SNTG1: variants seen among roughly 807,000 people sequenced by gnomAD.
SNTG1 encodes gamma-1-syntrophin.
Under a neutral mutation model 74.7 loss-of-function variants are expected in SNTG1, and 39 were observed. That is an observed-to-expected ratio of 0.52 (90% CI 0.40 to 0.68). The LOEUF is 0.68. Ranked by LOEUF, SNTG1 falls within the 30% of genes least tolerant of loss-of-function variation. The probability of loss-of-function intolerance (pLI) is 0.00; values close to 1 mark genes in which losing one functional copy is unlikely to be tolerated. For synonymous variants in SNTG1, 254 were observed against 217.1 expected (o/e 1.17, Z -1.49); for missense variants, 685 against 609.5 (o/e 1.12, Z -1.30).
intron 1 of SNTG1, among the ~76,000 whole-genome samples, chr8:50,171,012 G>A (rs1302305919): frequency 1.3e-5 from 2 of 152,102 alleles, no homozygotes; most frequent in Admixed American, 6.6e-5. Context: ...CCTTCAAACT[G>A]ATTAATTCAA....
intron 2 of SNTG1, among the ~76,000 whole-genome samples, chr8:50,184,789 A>G (rs576683270): frequency 6.6e-6 from 1 of 152,308 alleles, no homozygotes; most frequent in African/African-American, 2.4e-5. Flanking sequence ...ATGTAAAAAC[A>G]TAAGGATTGG....
chr8:50,608,630 G>T (rs1313648029), intron 13 of SNTG1, among the ~76,000 whole-genome samples: 1 of 151,666 alleles, frequency 6.6e-6, no homozygotes, highest in Non-Finnish European at 1.5e-5. Context: ...ATAAACTTGG[G>T]TTATGTGTGT....
chr8:50,763,128 A>G (rs1231967809), intron 18 of SNTG1, among the ~76,000 whole-genome samples: 2 of 151,862 alleles, frequency 1.3e-5, no homozygotes, highest in Non-Finnish European at 2.9e-5. Flanking sequence ...TTCTGTTCCA[A>G]CAATCCGTGA....
chr8:50,168,948 G>A (rs1264359232), intron 1 of SNTG1, among the ~76,000 whole-genome samples: 5 of 152,190 alleles, frequency 3.3e-5, no homozygotes, highest in Middle Eastern at 3.4e-3. Context: ...ACGTGCACTC[G>A]TTTTTATGTA....
chr8:50,349,284 A>G (rs1020602406), intron 2 of SNTG1, among the ~76,000 whole-genome samples: 24 of 152,216 alleles, frequency 1.6e-4, no homozygotes, highest in Admixed American at 1.2e-3. Flanking sequence ...GGGAGTCTAC[A>G]CAGGGGTAAG....
At chr8:50,340,046 A>G (rs1457447711) in intron 2 of SNTG1, among the ~76,000 whole-genome samples, 1 of 152,026 alleles carries the variant, frequency 6.6e-6, no homozygotes, top group Non-Finnish European at 1.5e-5. Context: ...TGTGAAATCC[A>G]CAAAGCTCTG....
chr8:50,216,180 G>T (rs75701889), intron 2 of SNTG1, among the ~76,000 whole-genome samples: 1 of 152,100 alleles, frequency 6.6e-6, no homozygotes, highest in Non-Finnish European at 1.5e-5. Context: ...ATCTTTCCAT[G>T]TAAGCATCTT....
intron 1 of SNTG1, among the ~76,000 whole-genome samples, chr8:49,941,255 T>G (rs1399578021): frequency 6.6e-6 from 1 of 152,034 alleles, no homozygotes; most frequent in Non-Finnish European, 1.5e-5. Context: ...TTGAGGAGAC[T>G]TAACATTGCT....
chr8:50,110,214 G>A (rs796873648), intron 1 of SNTG1, among the ~76,000 whole-genome samples: 2 of 152,106 alleles, frequency 1.3e-5, no homozygotes, highest in African/African-American at 2.4e-5. Context: ...AGGGATTACT[G>A]CAAGTCATAA....
chr8:50,103,655 G>T (rs1384421426), intron 1 of SNTG1, among the ~76,000 whole-genome samples: 1 of 152,182 alleles, frequency 6.6e-6, no homozygotes, highest in African/African-American at 2.4e-5. Flanking sequence ...CAAAGGGAAT[G>T]CTTCCAGTTT....
At chr8:50,419,518 T>C (rs941199605) in intron 4 of SNTG1, among the ~76,000 whole-genome samples, 4 of 152,152 alleles carry the variant, frequency 2.6e-5, no homozygotes, top group African/African-American at 9.7e-5. Context: ...TTCAAATCTG[T>C]GCAGCCCAGT....
rs577958293 is a variant in SNTG1 at position 50,267,585 on chromosome 8, G to C, written c.-28+94950G>C. On this transcript the variant is annotated intron_variant, in intron 2 of 18. Coordinates refer to ENST00000642720, the MANE Select transcript of SNTG1 (RefSeq NM_018967.5). Reference sequence around the variant, plus strand: ...AGAAGGTAAAGTGCTGCAGCCATATGAAAAATAACTTAGCAGTTCCTCAAA... The same window carrying C: ...AGAAGGTAAAGTGCTGCAGCCATATCAAAAATAACTTAGCAGTTCCTCAAA... Among the ~76,000 whole-genome samples, 17 of 152,248 alleles carry C rather than the reference G, an allele frequency of 1.1e-4. No individual in the cohort carries two copies. In the South Asian group the frequency reaches 3.5e-3, roughly 32 times the overall value.
intron 1 of SNTG1, among the ~76,000 whole-genome samples, chr8:50,171,082 A>G (rs1213996332): frequency 3.9e-5 from 6 of 152,136 alleles, no homozygotes; most frequent in African/African-American, 1.4e-4. Flanking sequence ...ATCTGATGGA[A>G]TCTTAGAACA....
At chr8:50,206,422 T>A (rs1205049800) in intron 2 of SNTG1, among the ~76,000 whole-genome samples, 1 of 152,208 alleles carries the variant, frequency 6.6e-6, no homozygotes, top group African/African-American at 2.4e-5. Flanking sequence ...TGATTTTGTA[T>A]CCTGAGACTG....
intron 17 of SNTG1, among the ~76,000 whole-genome samples, chr8:50,733,370 T>C (rs1409094706): frequency 6.6e-6 from 1 of 152,034 alleles, no homozygotes; most frequent in Non-Finnish European, 1.5e-5. Flanking sequence ...TTTGCAATTG[T>C]GAATAGTGCA....
At chr8:50,068,270 C>T (rs1821063552) in intron 1 of SNTG1, among the ~76,000 whole-genome samples, 2 of 152,134 alleles carry the variant, frequency 1.3e-5, no homozygotes, top group South Asian at 4.1e-4. Flanking sequence ...CTGTCACATT[C>T]ATCAGGCATT....
At chr8:50,670,090 G>T (rs2095272339) in intron 15 of SNTG1, among the ~76,000 whole-genome samples, 1 of 152,216 alleles carries the variant, frequency 6.6e-6, no homozygotes, top group Non-Finnish European at 1.5e-5. Flanking sequence ...ATATCATACT[G>T]AATGGGCAAA....
chr8:50,014,197 C>T (rs569534244), intron 1 of SNTG1, among the ~76,000 whole-genome samples: 1 of 152,066 alleles, frequency 6.6e-6, no homozygotes, highest in Non-Finnish European at 1.5e-5. Flanking sequence ...ATTTTTGGAG[C>T]TTCACTAAAA....
intron 1 of SNTG1, among the ~76,000 whole-genome samples, chr8:50,020,537 A>G (rs1486043246): frequency 6.6e-6 from 1 of 152,182 alleles, no homozygotes; most frequent in Non-Finnish European, 1.5e-5. Context: ...TTTTATCTGT[A>G]AAATATTTTC....
Sources: gnomAD v4.1 joint callset for allele counts (sites outside exome capture counted in the v4.1 genomes callset) on GRCh38, gnomAD v4.1.1 for gene constraint, MANE v1.5 for transcripts, NCBI Gene and HGNC (gene_info 2026-07-23, HGNC 2026-07-21) for gene names.